Variants in TAFA1 observed in about 807,000 individuals in gnomAD.
TAFA1 encodes TAFA chemokine like family member 1, also known as chemokine-like protein TAFA-1.
A neutral mutation model predicts 18.5 loss-of-function variants in TAFA1; 4 were observed. The ratio of observed to expected loss-of-function variants is 0.22; its 90% CI spans 0.11 to 0.49. The LOEUF is 0.49. TAFA1 is among the 20% of genes least tolerant of loss of function. The pLI is 0.98. For synonymous variants in TAFA1, 56 were observed against 55.2 expected (o/e 1.01, Z -0.06); for missense variants, 147 against 169.0 (o/e 0.87, Z 0.72).
At chr3:68,342,004 C>T (rs1427848081) in intron 2 of TAFA1, among the ~76,000 whole-genome samples, 1 of 152,144 alleles carries the variant, frequency 6.6e-6, no homozygotes, top group Non-Finnish European at 1.5e-5. Context: ...AGAATGGGAT[C>T]TTGCTGAAGA....
chr3:68,429,159 G>C (rs1331541426), intron 3 of TAFA1, among the ~76,000 whole-genome samples: 1 of 151,798 alleles, frequency 6.6e-6, no homozygotes, highest in Non-Finnish European at 1.5e-5. Flanking sequence ...TATTTGCCTT[G>C]TTCTCTTTTC....
intron 3 of TAFA1, among the ~76,000 whole-genome samples, chr3:68,525,104 T>A (rs909402482): frequency 1.3e-5 from 2 of 152,194 alleles, no homozygotes; most frequent in African/African-American, 4.8e-5. Flanking sequence ...GATGTTGAAC[T>A]TTTTGCAAAC....
intron 2 of TAFA1, among the ~76,000 whole-genome samples, chr3:68,046,111 C>G (rs1261954813): frequency 6.6e-6 from 1 of 152,166 alleles, no homozygotes; most frequent in African/African-American, 2.4e-5. Context: ...CATATTCCCA[C>G]TGAGGATACT....
At chr3:68,011,390 T>C (rs1394370832) in intron 2 of TAFA1, among the ~76,000 whole-genome samples, 1 of 152,180 alleles carries the variant, frequency 6.6e-6, no homozygotes, top group Non-Finnish European at 1.5e-5. Flanking sequence ...TGACCTGATT[T>C]AAAGCTATAT....
At chr3:68,222,582 T>C (rs1440780676) in intron 2 of TAFA1, among the ~76,000 whole-genome samples, 2 of 152,240 alleles carry the variant, frequency 1.3e-5, no homozygotes, top group Non-Finnish European at 2.9e-5. Flanking sequence ...TCCATCTCAA[T>C]GTGGCAGATT....
intron 2 of TAFA1, among the ~76,000 whole-genome samples, chr3:68,213,230 A>C (rs2066616455): frequency 6.6e-6 from 1 of 152,038 alleles, no homozygotes; most frequent in South Asian, 2.1e-4. Flanking sequence ...GAGACTTGAA[A>C]AATTGAAGGA....
chr3:68,518,671 C>T (rs1379975125), intron 3 of TAFA1, among the ~76,000 whole-genome samples: 1 of 152,174 alleles, frequency 6.6e-6, no homozygotes, highest in Non-Finnish European at 1.5e-5. Flanking sequence ...AACTAATTGG[C>T]TGTTTCGTTC....
chr3:68,201,096 A>G (rs1328682597), intron 2 of TAFA1, among the ~76,000 whole-genome samples: 2 of 151,600 alleles, frequency 1.3e-5, no homozygotes, highest in African/African-American at 4.8e-5. Flanking sequence ...TATTTAGTTC[A>G]AAATATTTTA....
intron 3 of TAFA1, among the ~76,000 whole-genome samples, chr3:68,429,559 G>A (rs1407536919): frequency 1.3e-5 from 2 of 151,806 alleles, no homozygotes; most frequent in Non-Finnish European, 2.9e-5. Context: ...CTCTCTAGGA[G>A]AACAATAACA....
intron 2 of TAFA1, among the ~76,000 whole-genome samples, chr3:68,206,327 C>A (rs2107054677): frequency 6.6e-6 from 1 of 151,904 alleles, no homozygotes; most frequent in South Asian, 2.1e-4. Flanking sequence ...CAGATAATAG[C>A]ATGTTGACAG....
At chr3:68,194,139 A>G (rs2066382279) in intron 2 of TAFA1, among the ~76,000 whole-genome samples, 1 of 151,722 alleles carries the variant, frequency 6.6e-6, no homozygotes, top group South Asian at 2.1e-4. Flanking sequence ...GAACTGGAAC[A>G]CAGTCATTTC....
chr3:68,146,601 A>G (rs1208295094), intron 2 of TAFA1, among the ~76,000 whole-genome samples: 1 of 152,218 alleles, frequency 6.6e-6, no homozygotes, highest in Non-Finnish European at 1.5e-5. Flanking sequence ...CTATTTTTTA[A>G]AAAACATGTT....
chr3:68,357,510 A>G (rs1046049644), intron 2 of TAFA1, among the ~76,000 whole-genome samples: 1 of 151,902 alleles, frequency 6.6e-6, no homozygotes, highest in African/African-American at 2.4e-5. Flanking sequence ...CTAGGGTAAT[A>G]GTTGTGTACT....
chr3:68,260,465 G>A (rs2067392927), intron 2 of TAFA1, among the ~76,000 whole-genome samples: 1 of 152,048 alleles, frequency 6.6e-6, no homozygotes, highest in Admixed American at 6.6e-5. Flanking sequence ...AATGAGTTAG[G>A]GAGGATTCCC....
intron 2 of TAFA1, among the ~76,000 whole-genome samples, chr3:68,132,610 A>G (rs2065555166): frequency 6.6e-6 from 1 of 152,038 alleles, no homozygotes; most frequent in Non-Finnish European, 1.5e-5. Flanking sequence ...TTTGATTTAC[A>G]TTTCTCTTAT....
At chr3:68,164,662 G>GTGTGTGTGTGT (rs1461518869) in intron 2 of TAFA1, among the ~76,000 whole-genome samples, 11 of 47,692 alleles carry the variant, frequency 2.3e-4, no homozygotes, top group Non-Finnish European at 5.5e-4. Context: ...TGTGTGTGTG[G>GTGTGTGTGTGT]GAGGTAGTTA....
At chr3:68,181,202 G>A (rs1042106113) in intron 2 of TAFA1, among the ~76,000 whole-genome samples, 1 of 152,136 alleles carries the variant, frequency 6.6e-6, no homozygotes. Context: ...AGCCTGGTGA[G>A]AGACTCAGTC....
intron 2 of TAFA1, among the ~76,000 whole-genome samples, chr3:68,138,528 A>G (rs903354694): frequency 2.0e-5 from 3 of 152,176 alleles, no homozygotes; most frequent in Non-Finnish European, 4.4e-5. Context: ...TTCTTTAGCC[A>G]TTTTGTTTAG....
At position 68,498,722 on chromosome 3, in the gene TAFA1, C is replaced by CTTTTTTTTTTTTTTTTT. The variant is rs34030223; in HGVS notation, c.260-40015_260-39999dup. Among the ~76,000 whole-genome samples the CTTTTTTTTTTTTTTTTT allele has an allele frequency of 5.2e-5, 5 of 97,026 alleles. 2 individuals are homozygous for CTTTTTTTTTTTTTTTTT. The highest frequency in any genetic ancestry group is 3.0e-4 in the East Asian group (1 of 3,382). 63.7% of individuals were successfully genotyped at this position (97,026 alleles called of 152,430 possible). On this transcript the variant is annotated intron_variant, in intron 3 of 4. Transcript: ENST00000478136. ...AATTCCTCCCAAAGCCGTTTGGTGG[C>CTTTTTTTTTTTTTTTTT]TTTTTTTTTTTTTTTTTTTTTTTTT...
Sources: allele counts gnomAD v4.1 joint callset (sites outside exome capture counted in the v4.1 genomes callset), GRCh38; gene constraint gnomAD v4.1.1; transcripts MANE v1.5; gene names NCBI Gene and HGNC (gene_info 2026-07-23, HGNC 2026-07-21).